Variants in SUSD4 observed in about 807,000 individuals in gnomAD.
SUSD4 encodes sushi domain-containing protein 4.
SUSD4 carries 41 observed loss-of-function variants against 50.5 expected under a neutral mutation model. The ratio of observed to expected loss-of-function variants is 0.81; its 90% CI spans 0.63 to 1.05. The LOEUF (loss-of-function observed/expected upper bound fraction) is 1.05. SUSD4 is among the 50% of genes least tolerant of loss of function. SUSD4 has a pLI of 0.00. For missense variants in SUSD4, 580 were observed against 634.7 expected (o/e 0.91, Z 0.93); for synonymous variants, 257 against 257.3 (o/e 1.00, Z 0.01).
intron 2 of SUSD4, among the ~76,000 whole-genome samples, chr1:223,351,934 A>C (rs1305730048): frequency 6.6e-6 from 1 of 151,844 alleles, no homozygotes; most frequent in African/African-American, 2.4e-5. Flanking sequence ...GACCCAGTTT[A>C]GCAACAACAT....
intron 5 of SUSD4, among the ~76,000 whole-genome samples, chr1:223,255,935 T>C (rs1305135087): frequency 6.6e-6 from 1 of 152,174 alleles, no homozygotes; most frequent in Non-Finnish European, 1.5e-5. Flanking sequence ...GGGTATTCAG[T>C]GTCCAGGTGG....
intron 2 of SUSD4, among the ~76,000 whole-genome samples, chr1:223,294,040 C>A (rs1453082077): frequency 1.3e-5 from 2 of 152,172 alleles, no homozygotes; most frequent in African/African-American, 2.4e-5. Context: ...ATGCTTTAAC[C>A]GTGTCCTCAA....
At chr1:223,275,379 T>C (rs1663184915) in intron 3 of SUSD4, among the ~76,000 whole-genome samples, 1 of 152,232 alleles carries the variant, frequency 6.6e-6, no homozygotes, top group Admixed American at 6.5e-5. Flanking sequence ...TTAATTATTT[T>C]ATCTTTAAAG....
chr1:223,229,633 A>G lies in SUSD4; in HGVS notation c.725-245T>C, dbSNP rs1659761012. ...GGCATTGTGAAGTACATCGTAAAAG[A>G]GAGGTTCGTTTTACAATGCAAAGAG... On this transcript the variant is annotated intron_variant, in intron 5 of 8. Transcript: ENST00000366878. This position sits in a 1 kb window ranked among gnomAD's most constrained non-coding sequence, Gnocchi z 4.7. Among the ~76,000 whole-genome samples, 1 of 152,172 alleles carries G rather than the reference A, an allele frequency of 6.6e-6. No homozygotes were observed. Among genetic ancestry groups the G allele is most frequent in the African/African-American group, 2.4e-5 (1 of 41,428 alleles).
intron 2 of SUSD4, among the ~76,000 whole-genome samples, chr1:223,315,382 G>A (rs371165423): frequency 1.5e-4 from 23 of 152,280 alleles, no homozygotes; most frequent in East Asian, 9.6e-4. Flanking sequence ...TGCAGATAAC[G>A]TCACTATTGC....
rs887762417 is a variant in SUSD4, at chr1:223,221,897, C to T, written c.*295G>A. On this transcript the variant is annotated 3_prime_UTR_variant, in exon 9 of 9. Transcript: ENST00000366878. ...TTCGGTGGGATGTGCGTGGAATTGT[C>T]CCATGTTCCACAGCACGATACACAT... 4 of 343,284 alleles carry T rather than the reference C, an allele frequency of 1.2e-5. No homozygotes were observed. The East Asian group carries it at 1.9e-4, about 16-fold the overall frequency. 21.3% of individuals were successfully genotyped at this position (343,284 alleles called of 1,614,324 possible).
Position 223,254,636 on chromosome 1 carries a change from A to C in SUSD4, c.724+9994T>G, listed in dbSNP as rs1002836997. 9.2e-5 allele frequency among the ~76,000 whole-genome samples: 14 copies of C among 152,316 alleles called. No individual in the cohort carries two copies. The Middle Eastern group carries it at 0.01, about 111-fold the overall frequency. On this transcript the variant is annotated intron_variant, in intron 5 of 8. Coordinates refer to ENST00000366878, the MANE Select transcript of SUSD4 (RefSeq NM_017982.4). The stretch of plus-strand genomic sequence containing the variant: ...TGGATCTACTTGAAAAAAAGGAATA[A>C]GGTCTCTTGGTTTTCTTAAGACAAA...
chr1:223,354,116 C>T (rs1668524654), intron 2 of SUSD4, among the ~76,000 whole-genome samples: 1 of 152,054 alleles, frequency 6.6e-6, no homozygotes, highest in African/African-American at 2.4e-5. Context: ...TGTGGATTCT[C>T]CACCCCCTCA....
chr1:223,284,801 A>G (rs1449282599), intron 3 of SUSD4, among the ~76,000 whole-genome samples: 1 of 152,290 alleles, frequency 6.6e-6, no homozygotes, highest in East Asian at 1.9e-4. Flanking sequence ...TCATATGTGG[A>G]AGCTAATATA....
At chr1:223,239,369 C>G (rs1660426144) in intron 5 of SUSD4, among the ~76,000 whole-genome samples, 1 of 151,972 alleles carries the variant, frequency 6.6e-6, no homozygotes, top group Non-Finnish European at 1.5e-5. Flanking sequence ...AGTTATCTAC[C>G]ATATGTGTTA....
chr1:223,341,025 G>C (rs1294774071), intron 2 of SUSD4, among the ~76,000 whole-genome samples: 3 of 152,232 alleles, frequency 2.0e-5, no homozygotes, highest in African/African-American at 7.2e-5. Context: ...GTTTGATATG[G>C]AAAGTCCTAA....
intron 3 of SUSD4, among the ~76,000 whole-genome samples, chr1:223,287,047 G>A (rs990770989): frequency 3.9e-5 from 6 of 152,198 alleles, no homozygotes; most frequent in African/African-American, 1.2e-4. Context: ...CCATCCTAGG[G>A]ATGGGCTCGA....
intron 4 of SUSD4, among the ~76,000 whole-genome samples, chr1:223,267,233 C>T (rs74145795): frequency 0.41 from 61,968 of 151,894 alleles, 12,835 homozygotes; most frequent in Non-Finnish European, 0.43. Context: ...ATTTCTTTTT[C>T]TAATCACTGG....
intron 2 of SUSD4, among the ~76,000 whole-genome samples, chr1:223,323,398 C>T (rs943100158): frequency 4.6e-5 from 7 of 152,142 alleles, no homozygotes; most frequent in African/African-American, 7.2e-5. Context: ...CCCCAGTAGA[C>T]AGAAAATGGT....
intron 5 of SUSD4, among the ~76,000 whole-genome samples, chr1:223,243,577 G>A (rs540494102): frequency 1.9e-4 from 29 of 152,356 alleles, no homozygotes; most frequent in South Asian, 8.3e-4. Context: ...GGTGTCAGCC[G>A]CAGAAGCCCA....
At chr1:223,298,063 T>C (rs1464259576) in intron 2 of SUSD4, among the ~76,000 whole-genome samples, 1 of 151,776 alleles carries the variant, frequency 6.6e-6, no homozygotes, top group East Asian at 1.9e-4. Flanking sequence ...GATGGATGAA[T>C]AGATGAATGG....
Position 223,227,039 on chromosome 1 carries a change from C to T in SUSD4, c.1061+555G>A, listed in dbSNP as rs182626377. Among the ~76,000 whole-genome samples the T allele has an allele frequency of 7.4e-4, 112 of 152,260 alleles. No homozygotes were observed. Among genetic ancestry groups the T allele is most frequent in the African/African-American group, 2.1e-3 (87 of 41,544 alleles). On this transcript the variant is annotated intron_variant, in intron 7 of 8. Transcript: ENST00000366878. This position sits in a 1 kb window ranked among gnomAD's most constrained non-coding sequence, Gnocchi z 4.5. ...GGTGCAGCTCAGAAGGATGTAGAAG[C>T]GCCTTCCACATGTCCCACTCCAGGG... is the stretch of plus-strand genomic sequence containing the variant.
chr1:223,281,055 A>T (rs1277440080), intron 3 of SUSD4, among the ~76,000 whole-genome samples: 1 of 152,236 alleles, frequency 6.6e-6, no homozygotes, highest in Non-Finnish European at 1.5e-5. Flanking sequence ...CAAAGACACA[A>T]CATACCAGAA....
intron 2 of SUSD4, among the ~76,000 whole-genome samples, chr1:223,302,325 A>G (rs773127217): frequency 2.0e-5 from 3 of 152,226 alleles, no homozygotes; most frequent in Admixed American, 6.5e-5. Flanking sequence ...ACAGACTAAT[A>G]CAGACCTTAA....
Sources: gnomAD v4.1 joint callset for allele counts (sites outside exome capture counted in the v4.1 genomes callset) on GRCh38, gnomAD v4.1.1 for gene constraint, Gnocchi (gnomAD v3.1) non-coding constraint, MANE v1.5 for transcripts, NCBI Gene and HGNC (gene_info 2026-07-23, HGNC 2026-07-21) for gene names.